Variants in DCC observed in about 807,000 individuals in gnomAD.
DCC encodes netrin receptor DCC.
DCC carries 58 observed loss-of-function variants against 172.5 expected under a neutral mutation model. The observed-to-expected ratio is 0.34, with a 90% CI of 0.27 to 0.42. The LOEUF is 0.42. Among genes scored for constraint, DCC ranks in the 10% least tolerant of loss-of-function variants. The probability of loss-of-function intolerance (pLI) is 1.00; values close to 1 mark genes in which losing one functional copy is unlikely to be tolerated. For synonymous variants in DCC, 709 were observed against 644.5 expected (o/e 1.10, Z -1.52); for missense variants, 1,740 against 1,791.0 (o/e 0.97, Z 0.51).
At chr18:53,020,015 T>C (rs1368936046) in intron 5 of DCC, among the ~76,000 whole-genome samples, 1 of 152,112 alleles carries the variant, frequency 6.6e-6, no homozygotes, top group Non-Finnish European at 1.5e-5. Flanking sequence ...GTGATCAGAC[T>C]TGGTATAAGA....
In DCC at chr18:52,393,383, A is replaced by T. The variant is rs552038774; in HGVS notation, c.91+52505A>T. ...AATGACCTGAGTCAGTGGTTCTCAC[A>T]GTGTGGGACCAATGGGAGCTTGTAA... On this transcript the variant is annotated intron_variant, in intron 1 of 28. Coordinates refer to ENST00000442544, the MANE Select transcript of DCC (RefSeq NM_005215.4). Among the ~76,000 whole-genome samples, 6 of 152,244 alleles carry T rather than the reference A, an allele frequency of 3.9e-5. No individual in the cohort carries two copies. In the East Asian group the frequency reaches 1.2e-3, roughly 29 times the overall value.
At chr18:53,039,965 G>A (rs2143992798) in intron 5 of DCC, among the ~76,000 whole-genome samples, 1 of 152,062 alleles carries the variant, frequency 6.6e-6, no homozygotes, top group South Asian at 2.1e-4. Flanking sequence ...TAACATGTGG[G>A]TGCTCAGTGG....
chr18:52,367,997 A>G (rs1984954910), intron 1 of DCC, among the ~76,000 whole-genome samples: 1 of 152,200 alleles, frequency 6.6e-6, no homozygotes, highest in East Asian at 1.9e-4. Flanking sequence ...ACTCACTAAT[A>G]AGCAAACAGG....
chr18:52,905,031 G>C (rs993897909), intron 2 of DCC, among the ~76,000 whole-genome samples: 1 of 152,112 alleles, frequency 6.6e-6, no homozygotes, highest in Non-Finnish European at 1.5e-5. Flanking sequence ...GGGGGTTTGA[G>C]ATGGCAAGGT....
chr18:53,159,804 G>A (rs1325537963), intron 8 of DCC, among the ~76,000 whole-genome samples: 2 of 152,080 alleles, frequency 1.3e-5, no homozygotes, highest in Admixed American at 6.6e-5. Context: ...ATTTAATAAT[G>A]TATTAAATAC....
In DCC at chr18:53,063,640, A is replaced by G. The variant is rs927208969; in HGVS notation, c.1140+181A>G. On this transcript the variant is annotated intron_variant, in intron 6 of 28. Transcript: ENST00000442544. ...CATAAGAATATTTGAACTGAGAAAGAGTGATCAAAGAATTCAGCCCCCTGG... is the reference window on the plus strand; with the variant it reads ...CATAAGAATATTTGAACTGAGAAAGGGTGATCAAAGAATTCAGCCCCCTGG... 2.6e-5 allele frequency: 15 copies of G among 575,786 alleles called. No individual in the cohort carries two copies. In the East Asian group the frequency reaches 4.2e-4, roughly 16 times the overall value. The allele number at this position is 575,786 out of a possible 1,614,324, so 35.7% of individuals were successfully genotyped here. A position where few individuals can be genotyped will look rare whatever the true frequency, so the allele number is the denominator to read the frequency against.
At chr18:53,207,375 C>T (rs2055669041) in intron 10 of DCC, among the ~76,000 whole-genome samples, 1 of 152,136 alleles carries the variant, frequency 6.6e-6, no homozygotes, top group Non-Finnish European at 1.5e-5. Flanking sequence ...TTATAAGCTG[C>T]CTTCTGCCTG....
chr18:53,430,168 A>T (rs997383659), intron 21 of DCC, among the ~76,000 whole-genome samples: 2 of 152,152 alleles, frequency 1.3e-5, no homozygotes, highest in African/African-American at 4.8e-5. Context: ...CATCATTAGA[A>T]TTATTTTCAG....
Position 53,066,173 on chromosome 18 carries a change from C to A in DCC, c.1261+7C>A. 6.2e-7 allele frequency: 1 copy of A among 1,612,244 alleles called. No individual in the cohort carries two copies. Among genetic ancestry groups the A allele is most frequent in the Non-Finnish European group, 8.5e-7 (1 of 1,178,688 alleles). On this transcript the variant is annotated splice_region_variant and intron_variant, in intron 7 of 28. Coordinates refer to ENST00000442544, the MANE Select transcript of DCC (RefSeq NM_005215.4). ...CTCATTGTCCCTAAGCCTGGTAAGACAATGGGAACCTTGCTTTGGTACCTG... is the reference window on the plus strand; with the variant it reads ...CTCATTGTCCCTAAGCCTGGTAAGAAAATGGGAACCTTGCTTTGGTACCTG...
At position 52,500,201 on chromosome 18, in the gene DCC, G is replaced by A. The variant is rs574210141; in HGVS notation, c.91+159323G>A. On this transcript the variant is annotated intron_variant, in intron 1 of 28. Transcript: ENST00000442544. Reference sequence around the variant, plus strand: ...TGTTACAAACATTTGCCACAAACTGGTTGCACCCTATATTTCCTGGTTGAA... The same window carrying A: ...TGTTACAAACATTTGCCACAAACTGATTGCACCCTATATTTCCTGGTTGAA... Among the ~76,000 whole-genome samples the A allele has an allele frequency of 2.6e-5, 4 of 152,126 alleles. No homozygotes were observed. In the East Asian group the frequency reaches 7.7e-4, roughly 29 times the overall value.
At chr18:52,741,632 G>A in intron 1 of DCC, among the ~76,000 whole-genome samples, 1 of 152,064 alleles carries the variant, frequency 6.6e-6, no homozygotes, top group East Asian at 1.9e-4. Context: ...TCTCCTTATT[G>A]AAACTCTTCT....
intron 5 of DCC, among the ~76,000 whole-genome samples, chr18:53,036,701 C>T (rs1400331260): frequency 3.9e-5 from 6 of 152,018 alleles, no homozygotes; most frequent in Non-Finnish European, 5.9e-5. Flanking sequence ...ATTCAATATG[C>T]ACCCCTAATC....
Position 52,653,774 on chromosome 18 carries a change from G to C in DCC, c.92-98280G>C, listed in dbSNP as rs190495336. On this transcript the variant is annotated intron_variant, in intron 1 of 28. Transcript: ENST00000442544. ...TCACCTCAACTCTTATTAGACAAAGGGTGCTGATTATTAATTTATGCCTCT... is the reference window on the plus strand; with the variant it reads ...TCACCTCAACTCTTATTAGACAAAGCGTGCTGATTATTAATTTATGCCTCT... 4.5e-3 allele frequency among the ~76,000 whole-genome samples: 690 copies of C among 152,234 alleles called. 5 individuals are homozygous for C. The highest frequency in any genetic ancestry group is 0.016 in the African/African-American group (655 of 41,538).
chr18:52,557,250 A>G (rs1412512998), intron 1 of DCC, among the ~76,000 whole-genome samples: 12 of 152,228 alleles, frequency 7.9e-5, no homozygotes, highest in Non-Finnish European at 1.6e-4. Flanking sequence ...TTTTAGTTAC[A>G]AAAGGATAGC....
At chr18:52,777,283 T>C (rs2037451355) in intron 2 of DCC, among the ~76,000 whole-genome samples, 1 of 144,330 alleles carries the variant, frequency 6.9e-6, no homozygotes, top group Non-Finnish European at 1.5e-5. Flanking sequence ...CAAATCAAAG[T>C]GTCAGGAGGG....
intron 1 of DCC, among the ~76,000 whole-genome samples, chr18:52,685,211 C>A (rs1429527086): frequency 6.6e-6 from 1 of 151,998 alleles, no homozygotes; most frequent in Non-Finnish European, 1.5e-5. Flanking sequence ...AAATTTTTTT[C>A]TTTGCCTTTC....
intron 5 of DCC, among the ~76,000 whole-genome samples, chr18:52,964,435 G>A (rs774089264): frequency 1.1e-4 from 16 of 152,152 alleles, no homozygotes; most frequent in Non-Finnish European, 1.5e-5. Flanking sequence ...GAGGGAGCCT[G>A]AGAGAAACTT....
rs549899108 is a variant in DCC at position 53,011,580 on chromosome 18, A to G, written c.986-51725A>G. On this transcript the variant is annotated intron_variant, in intron 5 of 28. Coordinates refer to ENST00000442544, the MANE Select transcript of DCC (RefSeq NM_005215.4). Reference sequence around the variant, plus strand: ...GATAATAAAATAAATGAATGGGAAGACTTACAACATTGAGATAAAATTGCT... The same window carrying G: ...GATAATAAAATAAATGAATGGGAAGGCTTACAACATTGAGATAAAATTGCT... Among the ~76,000 whole-genome samples, 4 of 151,968 alleles carry G rather than the reference A, an allele frequency of 2.6e-5. No homozygotes were observed. In the South Asian group the frequency reaches 8.3e-4, roughly 31 times the overall value.
intron 27 of DCC, among the ~76,000 whole-genome samples, chr18:53,499,784 G>T (rs1598811490): frequency 6.6e-6 from 1 of 152,234 alleles, no homozygotes; most frequent in South Asian, 2.1e-4. Context: ...TGCTATAGGT[G>T]TGCTTGCTAG....
Sources: allele counts gnomAD v4.1 joint callset (sites outside exome capture counted in the v4.1 genomes callset), GRCh38; gene constraint gnomAD v4.1.1; transcripts MANE v1.5; gene names NCBI Gene and HGNC (gene_info 2026-07-23, HGNC 2026-07-21).